Variants in SPRR5 observed in about 807,000 individuals in gnomAD.
SPRR5 encodes the protein small proline rich protein 5, also known as small proline-rich protein 5.
At chr1:152,948,379 C>T (rs937395453) in intron 1 of SPRR5, among the ~76,000 whole-genome samples, 158 bp from the exon 2 acceptor site, 7 of 140,682 alleles carry the variant, frequency 5.0e-5, no homozygotes, top group East Asian at 2.0e-4. Flanking sequence ...TTTACACATG[C>T]GCGCGCGCAC....
Position 152,948,656 on chromosome 1 carries a change from A to AGTGCTGCCCCCGACCCCAG in SPRR5, c.102_103insGTGCTGCCCCCGACCCCAG (p.Gln35ValfsTer148). On this transcript the variant is annotated frameshift_variant, in exon 2 of 2. Coordinates refer to ENST00000636302, the Ensembl canonical transcript of SPRR5. LOFTEE classifies it high-confidence loss of function. Reference sequence around the variant, plus strand: ...CCCAGCAGTGCTGCCCCCCGCCTCAACAGTGCTGCCCCCCACCCCAGCAGT... The same window carrying AGTGCTGCCCCCGACCCCAG: ...CCCAGCAGTGCTGCCCCCCGCCTCAAGTGCTGCCCCCGACCCCAGCAGTGCTGCCCCCCACCCCAGCAGT... 1 of 47,152 alleles carries AGTGCTGCCCCCGACCCCAG rather than the reference A, an allele frequency of 2.1e-5. No individual in the cohort carries two copies. The highest frequency in any genetic ancestry group is 6.7e-4 in the East Asian group (1 of 1,488). The allele number at this position is 47,152 out of a possible 1,614,324, so 2.9% of individuals were successfully genotyped here. A position where few individuals can be genotyped will look rare whatever the true frequency, so the allele number is the denominator to read the frequency against.
intron 1 of SPRR5, among the ~76,000 whole-genome samples, chr1:152,947,908 T>C (rs959134940): frequency 1.3e-5 from 2 of 152,232 alleles, no homozygotes; most frequent in African/African-American, 4.8e-5. Context: ...GCCTTTTAAA[T>C]TGTTTATGAA....
chr1:152,948,386 GCA>G (rs3054120), intron 1 of SPRR5, among the ~76,000 whole-genome samples, 149 bp from the exon 2 acceptor site: 91 of 149,966 alleles, frequency 6.1e-4, no homozygotes, highest in South Asian at 3.4e-3. Flanking sequence ...ATGCGCGCGC[GCA>G]CACACACACA....
chr1:152,948,238 T>G (rs1227586324), intron 1 of SPRR5, among the ~76,000 whole-genome samples: 6 of 152,146 alleles, frequency 3.9e-5, no homozygotes, highest in Non-Finnish European at 7.4e-5. Context: ...CCTTTTCTTT[T>G]TTTATGTTTT....
intron 1 of SPRR5, among the ~76,000 whole-genome samples, 152 bp downstream of exon 1, chr1:152,947,400 C>T (rs1214626120): frequency 6.6e-6 from 1 of 152,120 alleles, no homozygotes; most frequent in Non-Finnish European, 1.5e-5. Context: ...ACAAACCTAT[C>T]TTGGGTCCAG....
intron 1 of SPRR5, among the ~76,000 whole-genome samples, 200 bp downstream of exon 1, chr1:152,947,448 A>G (rs926175076): frequency 2.0e-5 from 3 of 152,122 alleles, no homozygotes; most frequent in African/African-American, 7.2e-5. Flanking sequence ...GGCTGGGCTG[A>G]GCAGGGAGAA....
At chr1:152,948,597 T>TGCTGCCCCCCACCCCAGCAGC (rs1474514939) in exon 2 of SPRR5, 3 of 159,648 alleles carry the variant, frequency 1.9e-5, no homozygotes, top group African/African-American at 3.2e-5. Context: ...CCCGCAGCAG[T>TGCTGCCCCCCACCCCAGCAGC]GCTGCCCCCC....
exon 2 of SPRR5, chr1:152,948,913 AG>A (rs924070537): frequency 4.9e-6 from 1 of 203,540 alleles, no homozygotes; most frequent in African/African-American, 2.4e-5. Context: ...GCGAACCCCC[AG>A]GAAAAACAGA....
chr1:152,948,743 G>C (rs1570933183), exon 2 of SPRR5: 2 of 111,480 alleles, frequency 1.8e-5, no homozygotes, highest in Non-Finnish European at 3.3e-5. Context: ...CACCCCAGCA[G>C]TGCTGCCCTC....
At chr1:152,947,507 A>G (rs1309392887) in intron 1 of SPRR5, among the ~76,000 whole-genome samples, 1 of 152,138 alleles carries the variant, frequency 6.6e-6, no homozygotes, top group Non-Finnish European at 1.5e-5. Context: ...TGCTGCTGGC[A>G]TGGTGTGGGT....
At chr1:152,947,761 G>GGAAA (rs1651095376) in intron 1 of SPRR5, among the ~76,000 whole-genome samples, 1 of 152,132 alleles carries the variant, frequency 6.6e-6, no homozygotes, top group Non-Finnish European at 1.5e-5. Context: ...CATCTATGCC[G>GGAAA]AGTGGCTTTG....
chr1:152,948,386 G>A (rs77676077), intron 1 of SPRR5, among the ~76,000 whole-genome samples, 151 bp from the exon 2 acceptor site: 2,444 of 150,006 alleles, frequency 0.016, 65 homozygotes, highest in African/African-American at 0.053. Context: ...ATGCGCGCGC[G>A]CACACACACA....
chr1:152,948,209 CT>C (rs982031386), intron 1 of SPRR5, among the ~76,000 whole-genome samples: 7 of 151,404 alleles, frequency 4.6e-5, no homozygotes, highest in African/African-American at 9.8e-5. Context: ...CATTCTTCCT[CT>C]TTTTTTTCCT....
In SPRR5 at chr1:152,948,495, A is replaced by G. The variant is rs926408426; in HGVS notation, c.-18-42A>G. 10 of 295,168 alleles carry G rather than the reference A, an allele frequency of 3.4e-5. No individual in the cohort carries two copies. The East Asian group carries it at 4.8e-4, about 14-fold the overall frequency. 18.3% of individuals were successfully genotyped at this position (295,168 alleles called of 1,614,324 possible). ...GTTCACCTGGGCTTAGGGTCTCTCT[A>G]TGGCTCAAGTGTTCCTCATTTCTGT... On this transcript the variant is annotated intron_variant, in intron 1 of 1. Coordinates refer to ENST00000636302, the Ensembl canonical transcript of SPRR5.
At chr1:152,948,874 A>G (rs1651137294) in exon 2 of SPRR5, 1 of 206,914 alleles carries the variant, frequency 4.8e-6, no homozygotes, top group South Asian at 1.9e-4. Flanking sequence ...ACGTCCAAGC[A>G]GAAGTAAGCC....
intron 1 of SPRR5, among the ~76,000 whole-genome samples, chr1:152,947,686 A>C (rs1425403405): frequency 1.3e-5 from 2 of 152,182 alleles, no homozygotes; most frequent in Non-Finnish European, 2.9e-5. Context: ...AAAGGGCTGC[A>C]GGGACAAGAC....
intron 1 of SPRR5, among the ~76,000 whole-genome samples, chr1:152,948,217 TC>T (rs140380017): frequency 0.015 from 2,302 of 152,118 alleles, 60 homozygotes; most frequent in African/African-American, 0.053. Flanking sequence ...CTCTTTTTTT[TC>T]CTCTCTCTCC....
intron 1 of SPRR5, 109 bp from the exon 2 acceptor site, chr1:152,948,428 A>G: frequency 4.9e-6 from 1 of 204,684 alleles, no homozygotes; most frequent in Non-Finnish European, 1.0e-5. Flanking sequence ...TGAAGGGATC[A>G]GGGCAAGGTA....
chr1:152,947,230 C>T (rs1044566701), exon 1 of SPRR5: 2 of 152,330 alleles, frequency 1.3e-5, no homozygotes, highest in Non-Finnish European at 2.9e-5. Context: ...CTATCTGCTC[C>T]AGTCGCTGGT....
Sources: gnomAD v4.1 joint callset for allele counts (sites outside exome capture counted in the v4.1 genomes callset) on GRCh38, gnomAD v4.1.1 for gene constraint, MANE v1.5 for transcripts, NCBI Gene and HGNC (gene_info 2026-07-23, HGNC 2026-07-21) for gene names.